SDK2: variants seen among roughly 807,000 people sequenced by gnomAD.
The protein encoded by SDK2 is protein sidekick-2.
SDK2 carries 105 observed loss-of-function variants against 253.9 expected under a neutral mutation model. That is an observed-to-expected ratio of 0.41 (90% CI 0.35 to 0.49). The LOEUF is 0.49. Among genes scored for constraint, SDK2 ranks in the 20% least tolerant of loss-of-function variants. The pLI, the probability that SDK2 is intolerant of heterozygous loss-of-function variation, is 0.06. For synonymous variants in SDK2, 1,249 were observed against 1,234.9 expected (o/e 1.01, Z -0.24); for missense variants, 2,608 against 3,003.0 (o/e 0.87, Z 3.07).
At position 73,438,103 on chromosome 17, in the gene SDK2, C is replaced by T. The variant is rs76984025; in HGVS notation, c.777G>A (p.Ser259=). The T allele has an allele frequency of 3.0e-3, 4,626 of 1,551,646 alleles. 180 individuals carry two copies. In the East Asian group the frequency reaches 0.084, roughly 28 times the overall value. Residue 259 remains serine, a synonymous_variant, in exon 7 of 45, where the codon TCG becomes TCA. Transcript: ENST00000392650. The part of the protein sequence containing the change: ...IIWKKDGVLL[S]GGISDHNRRL... ...GGCGGTTGTGGTCACTGATGCCGCC[C>T]GACAGCAATACCCCGTCCTTCTTCC...
At chr17:73,378,639 C>T (rs557187495) in intron 36 of SDK2, among the ~76,000 whole-genome samples, 13 of 151,978 alleles carry the variant, frequency 8.6e-5, no homozygotes, top group East Asian at 3.9e-4. Flanking sequence ...AGGCTGGTCT[C>T]GAACTCCTGA....
chr17:73,369,303 C>A, intron 36 of SDK2: 2 of 331,798 alleles, frequency 6.0e-6, no homozygotes, highest in Non-Finnish European at 6.6e-6. Context: ...CCTCATGTCA[C>A]CTGGGAGCTG....
intron 44 of SDK2, among the ~76,000 whole-genome samples, chr17:73,345,839 A>G (rs769465850): frequency 6.6e-6 from 1 of 152,166 alleles, no homozygotes; most frequent in African/African-American, 2.4e-5. Context: ...AATCCTTAGA[A>G]TCCTTCCTGG....
At chr17:73,523,215 G>A (rs1599646626) in intron 1 of SDK2, among the ~76,000 whole-genome samples, 1 of 151,796 alleles carries the variant, frequency 6.6e-6, no homozygotes, top group South Asian at 2.1e-4. Flanking sequence ...TCCAAGTCTA[G>A]GCTCTGCAAT....
chr17:73,401,015 C>G lies in SDK2; in HGVS notation c.2971+5G>C. 6.4e-7 allele frequency: 1 copy of G among 1,566,864 alleles called. No individual in the cohort carries two copies. Among genetic ancestry groups the G allele is most frequent in the Admixed American group, 1.9e-5 (1 of 53,036 alleles). Reference sequence around the variant, plus strand: ...AAGAGTCCTGCCTTGAGAGTGGGCACTTACCTGGGGGCACCCCAGAGGAGA... The same window carrying G: ...AAGAGTCCTGCCTTGAGAGTGGGCAGTTACCTGGGGGCACCCCAGAGGAGA... On this transcript the variant is annotated splice_donor_5th_base_variant and intron_variant, in intron 21 of 44. Coordinates refer to ENST00000392650, the MANE Select transcript of SDK2 (RefSeq NM_001144952.2).
rs1470863330 is a variant in SDK2, at chr17:73,483,535, ATG to A, written c.225-11319_225-11318del. Among the ~76,000 whole-genome samples, 651 of 134,648 alleles carry A rather than the reference ATG, an allele frequency of 4.8e-3. 10 individuals carry two copies. Among genetic ancestry groups the A allele is most frequent in the African/African-American group, 0.017 (600 of 35,800 alleles). The allele number at this position is 134,648 out of a possible 152,430, so 88.3% of individuals were successfully genotyped here. ...TATGTGTGTGTGTATATATATATGT[ATG>A]TATATATGTATGTATATGTGTATAT... On this transcript the variant is annotated intron_variant, in intron 2 of 44. Coordinates refer to ENST00000392650, the MANE Select transcript of SDK2 (RefSeq NM_001144952.2).
At chr17:73,420,252 A>T (rs753149332) in intron 15 of SDK2, among the ~76,000 whole-genome samples, 14 of 152,242 alleles carry the variant, frequency 9.2e-5, no homozygotes, top group Non-Finnish European at 1.3e-4. Context: ...TCCAAACAAA[A>T]GTTAATTATT....
intron 37 of SDK2, among the ~76,000 whole-genome samples, chr17:73,365,661 T>C (rs1181579677): frequency 6.6e-6 from 1 of 152,004 alleles, no homozygotes; most frequent in Admixed American, 6.6e-5. Context: ...TTCAGGCTTC[T>C]CCCTGCTAAG....
intron 1 of SDK2, among the ~76,000 whole-genome samples, chr17:73,617,393 A>G (rs1216349029): frequency 1.3e-5 from 2 of 151,906 alleles, no homozygotes; most frequent in African/African-American, 4.8e-5. Context: ...TCTTTCTAGG[A>G]TGGTTTGAAT....
chr17:73,590,109 T>G lies in SDK2; in HGVS notation c.64+53916A>C, dbSNP rs368595766. Among the ~76,000 whole-genome samples the G allele has an allele frequency of 1.6e-4, 24 of 152,232 alleles. 1 individual carries two copies. The South Asian group carries it at 5.0e-3, about 32-fold the overall frequency. On this transcript the variant is annotated intron_variant, in intron 1 of 44. Transcript: ENST00000392650. ...CACACGGAATCGAAGTCTGGGCTCA[T>G]CAGGAAACAGGGAGCCGATGAGGGC...
intron 18 of SDK2, among the ~76,000 whole-genome samples, chr17:73,402,691 C>A (rs2063038501): frequency 6.6e-6 from 1 of 152,174 alleles, no homozygotes; most frequent in South Asian, 2.1e-4. Flanking sequence ...GCAGCCTCAA[C>A]CTCCTGGGCT....
At position 73,376,064 on chromosome 17, in the gene SDK2, G is replaced by T. The variant is rs1337935320; in HGVS notation, c.4980+3113C>A. 4.6e-5 allele frequency among the ~76,000 whole-genome samples: 7 copies of T among 151,758 alleles called. No homozygotes were observed. In the South Asian group the frequency reaches 1.3e-3, roughly 27 times the overall value. On this transcript the variant is annotated intron_variant, in intron 36 of 44. Coordinates refer to ENST00000392650, the MANE Select transcript of SDK2 (RefSeq NM_001144952.2). The stretch of plus-strand genomic sequence containing the variant: ...CAAAAATTAGCTGGGCATGGTGGCA[G>T]GCACCTGTAATCCCAGCTACTTGGG...
At chr17:73,425,835 C>T (rs1405464626) in intron 12 of SDK2, among the ~76,000 whole-genome samples, 1 of 151,778 alleles carries the variant, frequency 6.6e-6, no homozygotes, top group East Asian at 1.9e-4. Flanking sequence ...CCTTGCTAGG[C>T]CTCAGTTGCC....
At chr17:73,420,233 C>T (rs985849576) in intron 15 of SDK2, among the ~76,000 whole-genome samples, 3 of 152,264 alleles carry the variant, frequency 2.0e-5, no homozygotes, top group African/African-American at 4.8e-5. Flanking sequence ...ATCACGGACA[C>T]GTGTCCACTC....
intron 1 of SDK2, among the ~76,000 whole-genome samples, chr17:73,524,035 T>C (rs1484080441): frequency 6.6e-6 from 1 of 152,220 alleles, no homozygotes; most frequent in Non-Finnish European, 1.5e-5. Flanking sequence ...ATTTCCAGGC[T>C]CTGTGATCAT....
chr17:73,536,091 A>G (rs868734018), intron 1 of SDK2, among the ~76,000 whole-genome samples: 2 of 152,172 alleles, frequency 1.3e-5, no homozygotes, highest in Middle Eastern at 3.4e-3. Flanking sequence ...CAGTTCATGG[A>G]CGAGACCACA....
rs1198547956 is a variant in SDK2 at position 73,361,157 on chromosome 17, T to C, written c.5467+527A>G. Among the ~76,000 whole-genome samples, 1 of 151,912 alleles carries C rather than the reference T, an allele frequency of 6.6e-6. No individual in the cohort carries two copies. The highest frequency in any genetic ancestry group is 1.5e-5 in the Non-Finnish European group (1 of 67,958). On this transcript the variant is annotated intron_variant, in intron 39 of 44. Coordinates refer to ENST00000392650, the MANE Select transcript of SDK2 (RefSeq NM_001144952.2). This position sits in a 1 kb window ranked among gnomAD's most constrained non-coding sequence, Gnocchi z 4.1. Reference sequence around the variant, plus strand: ...TTGTCACGGCCTCCAGGGGCTTTTGTCTAAGTGCAGACTGCCAGGTCCCAC... The same window carrying C: ...TTGTCACGGCCTCCAGGGGCTTTTGCCTAAGTGCAGACTGCCAGGTCCCAC...
chr17:73,575,486 T>C (rs2045445661), intron 1 of SDK2, among the ~76,000 whole-genome samples: 1 of 152,224 alleles, frequency 6.6e-6, no homozygotes, highest in Non-Finnish European at 1.5e-5. Flanking sequence ...GCTTGGATTC[T>C]GAGGTAGACT....
At chr17:73,412,733 T>C (rs921413864) in intron 18 of SDK2, among the ~76,000 whole-genome samples, 9 of 152,056 alleles carry the variant, frequency 5.9e-5, no homozygotes, top group East Asian at 1.9e-4. Context: ...CTGGCCAACA[T>C]GGTGAAACCC....
Sources: allele counts gnomAD v4.1 joint callset (sites outside exome capture counted in the v4.1 genomes callset), GRCh38; gene constraint gnomAD v4.1.1; non-coding constraint Gnocchi (gnomAD v3.1); transcripts MANE v1.5; gene names NCBI Gene and HGNC (gene_info 2026-07-23, HGNC 2026-07-21).